The following KIN variants were observed in gnomAD, a reference collection of about 807,000 sequenced individuals.
KIN encodes DNA/RNA-binding protein KIN17.
KIN carries 47 observed loss-of-function variants against 63.0 expected under a neutral mutation model. The ratio of observed to expected loss-of-function variants is 0.75; its 90% CI spans 0.59 to 0.95. The LOEUF (loss-of-function observed/expected upper bound fraction) is 0.95, where lower values mean the gene tolerates loss of function less well. Ranked by LOEUF, KIN falls within the 40% of genes least tolerant of loss-of-function variation. KIN has a pLI of 0.00. For synonymous variants in KIN, 160 were observed against 157.7 expected (o/e 1.01, Z -0.11); for missense variants, 408 against 460.9 (o/e 0.89, Z 1.05).
intron 5 of KIN, among the ~76,000 whole-genome samples, chr10:7,776,398 C>T (rs542296638): frequency 2.7e-5 from 4 of 149,444 alleles, no homozygotes; most frequent in African/African-American, 9.9e-5. Flanking sequence ...AAAATTTAGC[C>T]GGGTGTGATG....
Position 7,778,857 on chromosome 10 carries a change from C to CA in KIN, c.538_539insT (p.Gly180ValfsTer20). 2 of 1,613,982 alleles carry CA rather than the reference C, an allele frequency of 1.2e-6. No homozygotes were observed. Among genetic ancestry groups the CA allele is most frequent in the Non-Finnish European group, 1.7e-6 (2 of 1,180,002 alleles). On this transcript the variant is annotated frameshift_variant, in exon 5 of 13. Coordinates refer to ENST00000379562, the MANE Select transcript of KIN (RefSeq NM_012311.4). LOFTEE classifies it high-confidence loss of function. ...ACCCACCTGTTCCTTCCCTTCCAGGCCTCTTCTCACTTGCTCTTCAATAAA... is the reference window on the plus strand; with the variant it reads ...ACCCACCTGTTCCTTCCCTTCCAGGCACTCTTCTCACTTGCTCTTCAATAAA...
At chr10:7,777,198 C>T (rs1020814984) in intron 5 of KIN, among the ~76,000 whole-genome samples, 1 of 150,008 alleles carries the variant, frequency 6.7e-6, no homozygotes, top group African/African-American at 2.5e-5. Context: ...ACAACTTAAA[C>T]AGGAAGTAAC....
rs1835262853 is a variant in KIN, at chr10:7,752,782, C to A, written c.*3298G>T. ...ACCTAACCAAAACAACATGGAGGAA[C>A]CTTACATGCATATGTTCTACCAGGT... On this transcript the variant is annotated 3_prime_UTR_variant, in exon 13 of 13. Transcript: ENST00000379562. The A allele has an allele frequency of 6.6e-6, 1 of 152,188 alleles. No individual in the cohort carries two copies. The highest frequency in any genetic ancestry group is 6.5e-5 in the Admixed American group (1 of 15,272). The allele number at this position is 152,188 out of a possible 1,614,324, so 9.4% of individuals were successfully genotyped here. A position where few individuals can be genotyped will look rare whatever the true frequency, so the allele number is the denominator to read the frequency against.
chr10:7,762,422 G>T, intron 11 of KIN, 35 bp downstream of exon 11: 1 of 1,164,208 alleles, frequency 8.6e-7, no homozygotes, highest in South Asian at 1.4e-5. Flanking sequence ...TCATTTTGAT[G>T]GCATATGTAT....
Position 7,774,903 on chromosome 10 carries a change from A to C in KIN, c.608-12T>G, listed in dbSNP as rs1198949136. 21 of 1,596,646 alleles carry C rather than the reference A, an allele frequency of 1.3e-5. No individual in the cohort carries two copies. Among genetic ancestry groups the C allele is most frequent in the Non-Finnish European group, 1.7e-5 (20 of 1,165,038 alleles). ...CAAATTAAACGTGACTAGAAGAAAA[A>C]AATGTTATTCCATACATACATTTCA... is the stretch of plus-strand genomic sequence containing the variant. On this transcript the variant is annotated splice_polypyrimidine_tract_variant and intron_variant, in intron 6 of 12. Coordinates refer to ENST00000379562, the MANE Select transcript of KIN (RefSeq NM_012311.4).
chr10:7,785,071 G>A (rs1023607666), intron 1 of KIN, among the ~76,000 whole-genome samples: 9 of 150,950 alleles, frequency 6.0e-5, no homozygotes, highest in Non-Finnish European at 1.3e-4. Context: ...GCAACATGGG[G>A]AGACCCTATC....
chr10:7,760,098 A>G, intron 11 of KIN, 108 bp from the exon 12 acceptor site: 1 of 541,282 alleles, frequency 1.8e-6, no homozygotes, highest in Non-Finnish European at 3.2e-6. Flanking sequence ...AAAAAACAAA[A>G]CCCTTTTTCT....
intron 12 of KIN, among the ~76,000 whole-genome samples, chr10:7,759,497 T>C (rs1835397022): frequency 6.6e-6 from 1 of 152,110 alleles, no homozygotes; most frequent in South Asian, 2.1e-4. Context: ...CTATGCCAAA[T>C]TGAGTTTTAT....
chr10:7,763,964 A>T (rs111993885), intron 9 of KIN, among the ~76,000 whole-genome samples, 173 bp from the exon 10 acceptor site: 1,551 of 152,306 alleles, frequency 0.01, 38 homozygotes, highest in African/African-American at 0.035. Flanking sequence ...TTCCTTAGCA[A>T]TCTTTTATTC....
chr10:7,775,675 G>T, intron 6 of KIN, 76 bp downstream of exon 6: 3 of 715,566 alleles, frequency 4.2e-6, no homozygotes, highest in Non-Finnish European at 4.5e-6. Context: ...CAGATATGTT[G>T]ACAAGTTGCA....
chr10:7,774,415 G>A (rs986211523), intron 7 of KIN, among the ~76,000 whole-genome samples: 1 of 152,174 alleles, frequency 6.6e-6, no homozygotes, highest in Non-Finnish European at 1.5e-5. Flanking sequence ...ATAAGGAACC[G>A]TTAAATGGAG....
chr10:7,777,592 A>G (rs1158362956), intron 5 of KIN, among the ~76,000 whole-genome samples: 1 of 152,204 alleles, frequency 6.6e-6, no homozygotes, highest in Non-Finnish European at 1.5e-5. Flanking sequence ...CTCACACACA[A>G]GTGTTAGAAT....
chr10:7,758,676 A>C (rs374634375), intron 12 of KIN, among the ~76,000 whole-genome samples: 1 of 13,302 alleles, frequency 7.5e-5, no homozygotes, highest in African/African-American at 1.8e-4. Flanking sequence ...TGGTCCATGC[A>C]AAAAAAAAAA....
chr10:7,778,602 G>A (rs1166544724), intron 5 of KIN, among the ~76,000 whole-genome samples: 2 of 152,170 alleles, frequency 1.3e-5, no homozygotes, highest in East Asian at 3.9e-4. Flanking sequence ...ATCTGGGCGT[G>A]GTGGCGGGCG....
Position 7,763,802 on chromosome 10 carries a change from A to G in KIN, c.850-11T>C. 1 of 1,214,928 alleles carries G rather than the reference A, an allele frequency of 8.2e-7. No individual in the cohort carries two copies. The highest frequency in any genetic ancestry group is 1.2e-6 in the Non-Finnish European group (1 of 841,120). 75.3% of individuals were successfully genotyped at this position (1,214,928 alleles called of 1,614,324 possible). ...TTTCACAATAATTTCCTAGAAAATAATAACAAAAAAAATGAAAGGAAAGAC... is the reference window on the plus strand; with the variant it reads ...TTTCACAATAATTTCCTAGAAAATAGTAACAAAAAAAATGAAAGGAAAGAC... On this transcript the variant is annotated splice_polypyrimidine_tract_variant and intron_variant, in intron 9 of 12. Transcript: ENST00000379562.
chr10:7,769,074 T>A (rs1303961499), intron 8 of KIN, 142 bp downstream of exon 8: 7 of 649,106 alleles, frequency 1.1e-5, no homozygotes, highest in Non-Finnish European at 1.7e-5. Context: ...CAACTCCAGT[T>A]CGGGGAACTG....
In KIN at chr10:7,783,106, G is replaced by A; in HGVS notation, c.184C>T (p.Gln62Ter). 1 of 1,601,574 alleles carries A rather than the reference G, an allele frequency of 6.2e-7. No homozygotes were observed. The highest frequency in any genetic ancestry group is 1.3e-5 in the African/African-American group (1 of 74,692). ...TCTGAAAAATAATCCATAAACTGCTGAGGATTTTCTGAAGCCAGCAATAGT... is the reference window on the plus strand; with the variant it reads ...TCTGAAAAATAATCCATAAACTGCTAAGGATTTTCTGAAGCCAGCAATAGT... ...RQLLLASENPQQFMDYFSEEF... is the reference protein window; with the variant it reads ...RQLLLASENP The change falls in exon 2 of 13, where the codon CAG becomes TAG. Residue 62 changes from glutamine (Q) to a stop codon, truncating the protein, a stop_gained. Transcript: ENST00000379562. LOFTEE classifies it high-confidence loss of function.
chr10:7,774,713 C>A (rs1835733828), intron 7 of KIN, 118 bp downstream of exon 7: 16 of 802,772 alleles, frequency 2.0e-5, no homozygotes, highest in South Asian at 1.1e-4. Flanking sequence ...CCAATAAAAA[C>A]CAAAAACAGG....
chr10:7,783,206 A>G (rs1835933378), intron 1 of KIN, 31 bp from the exon 2 acceptor site: 2 of 1,312,830 alleles, frequency 1.5e-6, no homozygotes, highest in East Asian at 4.9e-5. Context: ...ATAAATTCTG[A>G]TTTAGGTCAT....
Sources: gnomAD v4.1 joint callset for allele counts (sites outside exome capture counted in the v4.1 genomes callset) on GRCh38, gnomAD v4.1.1 for gene constraint, MANE v1.5 for transcripts, NCBI Gene and HGNC (gene_info 2026-07-23, HGNC 2026-07-21) for gene names.